RHBDF2: variants seen among roughly 807,000 people sequenced by gnomAD.
The protein encoded by RHBDF2 is inactive rhomboid protein 2.
RHBDF2 carries 38 observed loss-of-function variants against 95.2 expected under a neutral mutation model. That is an observed-to-expected ratio of 0.40 (90% CI 0.31 to 0.52). The LOEUF is 0.52. RHBDF2 is among the 20% of genes least tolerant of loss of function. The pLI is 0.56. For missense variants in RHBDF2, 863 were observed against 1,137.7 expected, an observed-to-expected ratio of 0.76 and a Z score of 3.47; for synonymous variants, 442 against 462.0, an observed-to-expected ratio of 0.96 and a Z score of 0.55.
chr17:76,482,907 C>T (rs1245064548), intron 2 of RHBDF2, among the ~76,000 whole-genome samples: 1 of 151,106 alleles, frequency 6.6e-6, no homozygotes, highest in African/African-American at 2.4e-5. Context: ...TGGTGGCTTA[C>T]ACGTACAATC....
chr17:76,491,251 G>A (rs1271400158), intron 1 of RHBDF2, among the ~76,000 whole-genome samples: 2 of 152,144 alleles, frequency 1.3e-5, no homozygotes, highest in East Asian at 1.9e-4. Flanking sequence ...CACAGGCACC[G>A]CTTTTGGTTC....
chr17:76,491,679 C>T (rs559891757), intron 1 of RHBDF2, among the ~76,000 whole-genome samples: 2 of 152,328 alleles, frequency 1.3e-5, no homozygotes, highest in East Asian at 3.9e-4. Flanking sequence ...AGTATGGAAG[C>T]ATGACTTTGC....
In RHBDF2 at chr17:76,501,401, G is replaced by C. The variant is rs776086913; in HGVS notation, c.-268C>G. 6.6e-6 allele frequency: 1 copy of C among 152,370 alleles called. No individual in the cohort carries two copies. Among genetic ancestry groups the C allele is most frequent in the African/African-American group, 2.4e-5 (1 of 41,420 alleles). The allele number at this position is 152,370 out of a possible 1,614,324, so 9.4% of individuals were successfully genotyped here. A position where few individuals can be genotyped will look rare whatever the true frequency, so the allele number is the denominator to read the frequency against. On this transcript the variant is annotated 5_prime_UTR_variant, in exon 1 of 19. Coordinates refer to ENST00000675367, the MANE Select transcript of RHBDF2 (RefSeq NM_001005498.4). ...GGACGCAACTCCGTGCGGCGCCTGC[G>C]AGCGGCTGGGCGGTGGCTCCTCGGG...
intron 6 of RHBDF2, among the ~76,000 whole-genome samples, 153 bp downstream of exon 6, chr17:76,478,653 C>T (rs1233047049): frequency 6.6e-6 from 1 of 152,136 alleles, no homozygotes; most frequent in African/African-American, 2.4e-5. Context: ...CGGGGTCCCT[C>T]TTTGCCCAGG....
Position 76,471,619 on chromosome 17 carries a change from G to A in RHBDF2, c.*14C>T, listed in dbSNP as rs760743262. On this transcript the variant is annotated 3_prime_UTR_variant, in exon 19 of 19. Transcript: ENST00000675367. The stretch of plus-strand genomic sequence containing the variant: ...GTTCCAGCAGGGCTGAGGGGCAGCC[G>A]TGTGGCCCAGCGGTCAGTGCAGCAC... The A allele has an allele frequency of 8.9e-6, 14 of 1,570,956 alleles. No homozygotes were observed. Among genetic ancestry groups the A allele is most frequent in the Admixed American group, 7.0e-5 (4 of 57,304 alleles).
rs886537036 is a variant in RHBDF2 at position 76,479,517 on chromosome 17, G to A, written c.272+216C>T. On this transcript the variant is annotated intron_variant, in intron 4 of 18. Coordinates refer to ENST00000675367, the MANE Select transcript of RHBDF2 (RefSeq NM_001005498.4). Reference sequence around the variant, plus strand: ...CCCACACTGATCCACCCAGCTCCTCGAAGCCCCCCAGCCTCCACACCGTGA... The same window carrying A: ...CCCACACTGATCCACCCAGCTCCTCAAAGCCCCCCAGCCTCCACACCGTGA... The A allele has an allele frequency of 1.7e-5, 13 of 758,368 alleles. No individual in the cohort carries two copies. In the African/African-American group the frequency reaches 1.9e-4, roughly 11 times the overall value. The allele number at this position is 758,368 out of a possible 1,614,324, so 47.0% of individuals were successfully genotyped here. A position where few individuals can be genotyped will look rare whatever the true frequency, so the allele number is the denominator to read the frequency against.
At chr17:76,479,047 T>A in intron 5 of RHBDF2, 35 bp downstream of exon 5, 1 of 1,611,436 alleles carries the variant, frequency 6.2e-7, no homozygotes, top group African/African-American at 1.3e-5. Flanking sequence ...GCCATTAGGG[T>A]CCCCACCCCT....
At position 76,485,435 on chromosome 17, in the gene RHBDF2, A is replaced by G. The variant is rs370812177; in HGVS notation, c.-22+2277T>C. On this transcript the variant is annotated intron_variant, in intron 2 of 18. Coordinates refer to ENST00000675367, the MANE Select transcript of RHBDF2 (RefSeq NM_001005498.4). ...TCAAAAAAAAAAAAAAAAAAAAAAG[A>G]GCTGGGTGTGGTGGTGGGCAACTGT... Among the ~76,000 whole-genome samples the G allele has an allele frequency of 4.2e-4, 54 of 127,910 alleles. No homozygotes were observed. The East Asian group carries it at 9.7e-3, about 23-fold the overall frequency. The allele number at this position is 127,910 out of a possible 152,430, so 83.9% of individuals were successfully genotyped here.
At chr17:76,477,395 G>T (rs2073808234) in intron 7 of RHBDF2, 97 bp from the exon 8 acceptor site, 2 of 1,415,414 alleles carry the variant, frequency 1.4e-6, no homozygotes, top group Admixed American at 2.5e-5. Flanking sequence ...TGAACAGACG[G>T]GCTCTTCACA....
At chr17:76,490,765 C>A (rs919642992) in intron 1 of RHBDF2, among the ~76,000 whole-genome samples, 5 of 152,230 alleles carry the variant, frequency 3.3e-5, no homozygotes, top group Non-Finnish European at 7.3e-5. Context: ...GCTCTCACCT[C>A]CTCTCATCTG....
chr17:76,499,512 T>C (rs1314056008), intron 1 of RHBDF2, among the ~76,000 whole-genome samples: 3 of 152,134 alleles, frequency 2.0e-5, no homozygotes, highest in Non-Finnish European at 2.9e-5. Context: ...GCTAACACCA[T>C]GGGCAGGGGT....
chr17:76,492,516 C>G (rs1243795993), intron 1 of RHBDF2, among the ~76,000 whole-genome samples: 1 of 152,194 alleles, frequency 6.6e-6, no homozygotes, highest in African/African-American at 2.4e-5. Flanking sequence ...AACAGCTCTA[C>G]CAGCCAGTCC....
At chr17:76,474,290 G>T in intron 12 of RHBDF2, 83 bp downstream of exon 12, 1 of 1,495,190 alleles carries the variant, frequency 6.7e-7, no homozygotes, top group Non-Finnish European at 9.2e-7. Context: ...AGGGAACGTG[G>T]TCACTGCCCT....
chr17:76,481,666 TCTGGGCGG>T, intron 2 of RHBDF2, 121 bp from the exon 3 acceptor site: 1 of 926,062 alleles, frequency 1.1e-6, no homozygotes, highest in Non-Finnish European at 1.6e-6. Context: ...TTCAAACATC[TCTGGGCGG>T]CTGGGCGCGG....
At position 76,477,762 on chromosome 17, in the gene RHBDF2, G is replaced by C. The variant is rs370289284; in HGVS notation, c.696C>G (p.Thr232=). The C allele has an allele frequency of 1.2e-6, 2 of 1,612,648 alleles. No homozygotes were observed. Among genetic ancestry groups the C allele is most frequent in the South Asian group, 2.2e-5 (2 of 91,082 alleles). Residue 232 remains threonine (T), a synonymous_variant, in exon 7 of 19, where the codon ACC becomes ACG. Transcript: ENST00000675367. ...GCTTGACCACCCGGCACCGCTGTCC[G>C]GTGGCATCCAGCACCGAGCGCCCCT... is the stretch of plus-strand genomic sequence containing the variant. ...LLKGRSVLDA[T]GQRCRVVKRS...
At position 76,472,019 on chromosome 17, in the gene RHBDF2, C is replaced by T; in HGVS notation, c.2098G>A (p.Ala700Thr). 2 of 1,572,254 alleles carry T rather than the reference C, an allele frequency of 1.3e-6. No homozygotes were observed. Among genetic ancestry groups the T allele is most frequent in the Non-Finnish European group, 1.7e-6 (2 of 1,158,854 alleles). Residue 700 changes from alanine (A) to threonine (T), a missense_variant, in exon 19 of 19, where the codon GCC becomes ACC. Transcript: ENST00000675367. ...GPAGSQFGLL[A>T]CLFVELFQSW... ...TGGAAGAGCTCCACGAAGAGGCAGG[C>T]GAGGAGGCCGAACTGTGAGCCGGCC...
intron 2 of RHBDF2, among the ~76,000 whole-genome samples, chr17:76,486,171 C>T (rs558525759): frequency 3.0e-4 from 46 of 152,054 alleles, no homozygotes; most frequent in African/African-American, 9.4e-4. Context: ...CGCAGTGGTG[C>T]GATTTTGGCT....
chr17:76,475,078 C>T lies in RHBDF2; in HGVS notation c.1179G>A (p.Thr393=), dbSNP rs561050606. 16 of 1,599,574 alleles carry T rather than the reference C, an allele frequency of 1.0e-5. No homozygotes were observed. The highest frequency in any genetic ancestry group is 8.0e-5 in the African/African-American group (6 of 74,968). Residue 393 remains threonine (T), a synonymous_variant, in exon 10 of 19, where the codon ACG becomes ACA. Coordinates refer to ENST00000675367, the MANE Select transcript of RHBDF2 (RefSeq NM_001005498.4). ...CAAAGCCCACGGGTGCGATGCCATA[C>T]GTGCAAATCACCAGCAGCGTGATGA... is the stretch of plus-strand genomic sequence containing the variant. ...HVIITLLVIC[T]YGIAPVGFAQ...
At chr17:76,482,881 AT>A (rs1408965958) in intron 2 of RHBDF2, among the ~76,000 whole-genome samples, 1 of 151,560 alleles carries the variant, frequency 6.6e-6, no homozygotes, top group Non-Finnish European at 1.5e-5. Flanking sequence ...AAAAAAAAAA[AT>A]CACACAGCTG....
Sources: allele counts gnomAD v4.1 joint callset (sites outside exome capture counted in the v4.1 genomes callset), GRCh38; gene constraint gnomAD v4.1.1; transcripts MANE v1.5; gene names NCBI Gene and HGNC (gene_info 2026-07-23, HGNC 2026-07-21).